The following PLA2G6 variants were observed in gnomAD, a reference collection of about 807,000 sequenced individuals.
PLA2G6 encodes phospholipase A2 group VI.
PLA2G6 carries 62 observed loss-of-function variants against 83.8 expected under a neutral mutation model. The ratio of observed to expected loss-of-function variants is 0.74; its 90% confidence interval spans 0.60 to 0.91. The LOEUF is 0.91. Among genes scored for constraint, PLA2G6 ranks in the 40% least tolerant of loss-of-function variants. The pLI is 0.00. For missense variants in PLA2G6, 944 were observed against 1,102.0 expected (o/e 0.86, Z 2.03); for synonymous variants, 417 against 449.8 (o/e 0.93, Z 0.92).
At chr22:38,169,192 G>A (rs774302823) in intron 2 of PLA2G6, 26 bp downstream of exon 2, 7 of 1,564,388 alleles carry the variant, frequency 4.5e-6, no homozygotes, top group African/African-American at 2.7e-5. Context: ...AAGGAGAGAA[G>A]TATGTTCCCG....
intron 2 of PLA2G6, among the ~76,000 whole-genome samples, chr22:38,151,071 T>C (rs2089536167): frequency 6.6e-6 from 1 of 152,070 alleles, no homozygotes; most frequent in Non-Finnish European, 1.5e-5. Flanking sequence ...ACTCTGTCTC[T>C]AAATAAATAA....
intron 3 of PLA2G6, chr22:38,145,058 T>TA (rs1314273605): frequency 5.1e-6 from 1 of 196,958 alleles, no homozygotes; most frequent in Non-Finnish European, 1.0e-5. Context: ...TTTTTTTTCC[T>TA]AGAGACAAGG....
At chr22:38,139,302 C>G (rs540757987) in intron 5 of PLA2G6, 33 of 152,272 alleles carry the variant, frequency 2.2e-4, no homozygotes, top group African/African-American at 7.7e-4. Flanking sequence ...ACTGGAGCAC[C>G]ACCTGGAGGG....
chr22:38,168,805 G>A (rs576393211), intron 2 of PLA2G6, among the ~76,000 whole-genome samples: 1 of 152,264 alleles, frequency 6.6e-6, no homozygotes, highest in Non-Finnish European at 1.5e-5. Flanking sequence ...AGCCGAGATT[G>A]CGCCACTGCA....
At chr22:38,118,604 G>A (rs919369516) in intron 12 of PLA2G6, among the ~76,000 whole-genome samples, 5 of 152,016 alleles carry the variant, frequency 3.3e-5, no homozygotes, top group East Asian at 1.9e-4. Context: ...GTATGGATTC[G>A]AAATCTTTTC....
intron 7 of PLA2G6, among the ~76,000 whole-genome samples, chr22:38,130,058 G>A (rs928092109): frequency 1.4e-4 from 22 of 152,260 alleles, no homozygotes; most frequent in South Asian, 8.3e-4. Flanking sequence ...CACGAAGAAC[G>A]TCACACATTT....
chr22:38,136,160 G>A (rs943117719), intron 5 of PLA2G6: 2 of 152,204 alleles, frequency 1.3e-5, no homozygotes, highest in African/African-American at 4.8e-5. Flanking sequence ...CTTATCGGGG[G>A]CTGTGGGGAG....
intron 1 of PLA2G6, among the ~76,000 whole-genome samples, chr22:38,170,583 T>C (rs2090400653): frequency 6.6e-6 from 1 of 152,220 alleles, no homozygotes; most frequent in Admixed American, 6.5e-5. Context: ...GATACCTTGT[T>C]ATTTCCTAGG....
At position 38,128,288 on chromosome 22, in the gene PLA2G6, C is replaced by T. The variant is rs772809443; in HGVS notation, c.1329G>A (p.Pro443=). The change falls in exon 9 of 17, where the codon CCG becomes CCA. Residue 443 remains proline (P), a synonymous_variant. Coordinates refer to ENST00000332509, the MANE Select transcript of PLA2G6 (RefSeq NM_003560.4). This position sits in a 1 kb window ranked among gnomAD's most constrained non-coding sequence, Gnocchi z 4.4. Reference sequence around the variant, plus strand: ...GCCTACCTAGGTTGTTTAGGCTGATCGGTGGGGGCTGAGCTCTTTCCAGGG... The same window carrying T: ...GCCTACCTAGGTTGTTTAGGCTGATTGGTGGGGGCTGAGCTCTTTCCAGGG... The part of the protein sequence containing the change: ...PFSLERAQPP[P]ISLNNLELQD... 12 of 1,612,576 alleles carry T rather than the reference C, an allele frequency of 7.4e-6. No homozygotes were observed. Among genetic ancestry groups the T allele is most frequent in the African/African-American group, 2.7e-5 (2 of 74,872 alleles).
intron 13 of PLA2G6, 80 bp from the exon 14 acceptor site, chr22:38,115,761 G>A (rs1366353304): frequency 2.6e-6 from 4 of 1,518,364 alleles, no homozygotes; most frequent in East Asian, 2.4e-5. Context: ...CAGGGTGTGC[G>A]TGTTGGGGGC....
At chr22:38,151,939 T>A (rs936208575) in intron 2 of PLA2G6, among the ~76,000 whole-genome samples, 2 of 152,232 alleles carry the variant, frequency 1.3e-5, no homozygotes, top group African/African-American at 4.8e-5. Flanking sequence ...ACTTACCCTG[T>A]GCTCTACAAG....
intron 13 of PLA2G6, 168 bp from the exon 14 acceptor site, chr22:38,115,849 C>A: frequency 6.8e-7 from 1 of 1,474,748 alleles, no homozygotes; most frequent in South Asian, 1.4e-5. Context: ...GCTAGTTCGT[C>A]CTGGTGGAAG....
rs2088475421 is a variant in PLA2G6 at position 38,135,146 on chromosome 22, G to A, written c.798-62C>T. ...TAGGGTCTGCGTGGCGTGGGATGAA[G>A]CCAGGACTTGGAGCTTCATCTACTG... On this transcript the variant is annotated intron_variant, in intron 5 of 16. Transcript: ENST00000332509. The A allele has an allele frequency of 3.5e-6, 4 of 1,154,124 alleles. No individual in the cohort carries two copies. The Admixed American group carries it at 6.8e-5, about 20-fold the overall frequency. The allele number at this position is 1,154,124 out of a possible 1,614,324, so 71.5% of individuals were successfully genotyped here.
intron 5 of PLA2G6, chr22:38,139,627 G>C (rs538676565): frequency 1.5e-5 from 3 of 200,478 alleles, no homozygotes; most frequent in Non-Finnish European, 3.1e-5. Flanking sequence ...TAGAGATGGG[G>C]TTTCTTCATG....
chr22:38,116,720 G>A (rs956117018), intron 12 of PLA2G6, among the ~76,000 whole-genome samples: 3 of 151,644 alleles, frequency 2.0e-5, no homozygotes, highest in East Asian at 3.9e-4. Flanking sequence ...GTGTGGTTGC[G>A]CATGCCTGTA....
chr22:38,122,614 C>A (rs1031512426), intron 11 of PLA2G6, among the ~76,000 whole-genome samples: 1 of 152,204 alleles, frequency 6.6e-6, no homozygotes, highest in East Asian at 1.9e-4. Context: ...CATCCCTCCC[C>A]ACCTGGGAAC....
chr22:38,116,319 C>A (rs1157773490), intron 12 of PLA2G6, 108 bp from the exon 13 acceptor site: 1 of 1,239,204 alleles, frequency 8.1e-7, no homozygotes, highest in South Asian at 1.2e-5. Context: ...CCCACTCCAA[C>A]CTCTGTTCGG....
chr22:38,126,116 T>C, intron 10 of PLA2G6: 2 of 564,140 alleles, frequency 3.5e-6, no homozygotes, highest in Non-Finnish European at 6.6e-6. Flanking sequence ...GCCAGAACAC[T>C]GCGCCAGCCC....
intron 3 of PLA2G6, 84 bp from the exon 4 acceptor site, chr22:38,143,372 G>A: frequency 2.2e-6 from 3 of 1,336,894 alleles, no homozygotes; most frequent in African/African-American, 1.4e-5. Context: ...GCAGGGAAGT[G>A]CACTCGGAAA....
Sources: gnomAD v4.1 joint callset for allele counts (sites outside exome capture counted in the v4.1 genomes callset) on GRCh38, gnomAD v4.1.1 for gene constraint, Gnocchi (gnomAD v3.1) non-coding constraint, MANE v1.5 for transcripts, NCBI Gene and HGNC (gene_info 2026-07-23, HGNC 2026-07-21) for gene names.